RAB27B: variants seen among roughly 807,000 people sequenced by gnomAD.
RAB27B encodes the protein ras-related protein Rab-27B.
RAB27B carries 15 observed loss-of-function variants against 24.6 expected under a neutral mutation model. The observed-to-expected ratio is 0.61, with a 90% confidence interval of 0.41 to 0.94. RAB27B has a LOEUF of 0.94. Among genes scored for constraint, RAB27B ranks in the 40% least tolerant of loss-of-function variants. The pLI, the probability that RAB27B is intolerant of heterozygous loss-of-function variation, is 0.00. For missense variants in RAB27B, 261 were observed against 266.8 expected (o/e 0.98, Z 0.15); for synonymous variants, 105 against 92.5 (o/e 1.14, Z -0.78).
chr18:54,819,804 T>A (rs1454052058), intron 2 of RAB27B, among the ~76,000 whole-genome samples: 2 of 130,232 alleles, frequency 1.5e-5, no homozygotes, highest in Non-Finnish European at 3.1e-5. Context: ...CCGTGTGTGA[T>A]GTTCCCCTTC....
At chr18:54,731,410 A>G (rs1205754155) in intron 2 of RAB27B, among the ~76,000 whole-genome samples, 1 of 152,208 alleles carries the variant, frequency 6.6e-6, no homozygotes, top group Non-Finnish European at 1.5e-5. Flanking sequence ...TCTCAATCCA[A>G]TGGATGCATA....
At chr18:54,853,890 A>AT (rs1286536052) in intron 1 of RAB27B, among the ~76,000 whole-genome samples, 1 of 151,756 alleles carries the variant, frequency 6.6e-6, no homozygotes, top group South Asian at 2.1e-4. Flanking sequence ...TATCATTTGT[A>AT]TTTTTTTGTG....
intron 2 of RAB27B, among the ~76,000 whole-genome samples, chr18:54,815,787 G>A (rs1452343588): frequency 1.3e-5 from 2 of 152,158 alleles, no homozygotes; most frequent in African/African-American, 2.4e-5. Flanking sequence ...ACCATGCCTA[G>A]CTAATTTTGT....
In RAB27B at chr18:54,889,442, C is replaced by A. The variant is rs755490016; in HGVS notation, c.*29C>A. Reference sequence around the variant, plus strand: ...CTACATAGAAACTGAACATCAAGAACCCCACCAAAATATTACTTTTAAAAA... The same window carrying A: ...CTACATAGAAACTGAACATCAAGAAACCCACCAAAATATTACTTTTAAAAA... On this transcript the variant is annotated 3_prime_UTR_variant, in exon 6 of 6. Transcript: ENST00000262094. 7 of 1,565,204 alleles carry A rather than the reference C, an allele frequency of 4.5e-6. No individual in the cohort carries two copies. In the South Asian group the frequency reaches 7.2e-5, roughly 16 times the overall value.
rs1004828409 is a variant in RAB27B at position 54,889,318 on chromosome 18, T to A, written c.562T>A (p.Cys188Ser). The A allele has an allele frequency of 1.9e-6, 3 of 1,613,386 alleles. No individual in the cohort carries two copies. The highest frequency in any genetic ancestry group is 2.5e-6 in the Non-Finnish European group (3 of 1,179,510). Residue 188 changes from cysteine to serine, a missense_variant, in exon 6 of 6, where the codon TGT becomes AGT. Physicochemically the swap from Cys to Ser is moderately radical, Grantham distance 112. Coordinates refer to ENST00000262094, the MANE Select transcript of RAB27B (RefSeq NM_004163.4). ...CTTAATCATGAAGCGAATGGAACAG[T>A]GTGTGGAGAAGACACAAATCCCTGA... ...LDLIMKRMEQ[C>S]VEKTQIPDTV...
chr18:54,850,353 T>TGC (rs1568096292), intron 1 of RAB27B, among the ~76,000 whole-genome samples: 1 of 137,520 alleles, frequency 7.3e-6, no homozygotes, highest in African/African-American at 2.9e-5. Flanking sequence ...TATATATATA[T>TGC]ATATATACAT....
chr18:54,754,222 G>A (rs1254776279), intron 2 of RAB27B, among the ~76,000 whole-genome samples: 3 of 152,076 alleles, frequency 2.0e-5, no homozygotes, highest in Non-Finnish European at 4.4e-5. Context: ...TTTATAAGTG[G>A]TAGCTCCTCT....
At chr18:54,885,588 A>G (rs879657336) in intron 4 of RAB27B, among the ~76,000 whole-genome samples, 1 of 151,816 alleles carries the variant, frequency 6.6e-6, no homozygotes, top group Non-Finnish European at 1.5e-5. Flanking sequence ...AACTTTATTT[A>G]CCTCTTGACT....
At chr18:54,774,876 G>A (rs986980860) in intron 2 of RAB27B, among the ~76,000 whole-genome samples, 9 of 152,056 alleles carry the variant, frequency 5.9e-5, no homozygotes, top group African/African-American at 2.2e-4. Context: ...CTCCCCTCAC[G>A]GGATCAGAGG....
chr18:54,801,727 T>G (rs1909617987), intron 2 of RAB27B, among the ~76,000 whole-genome samples: 1 of 152,164 alleles, frequency 6.6e-6, no homozygotes, highest in Admixed American at 6.5e-5. Context: ...ACCAAAAATA[T>G]AACCAGCCAT....
chr18:54,796,783 T>G (rs1224451685), intron 2 of RAB27B, among the ~76,000 whole-genome samples: 1 of 152,178 alleles, frequency 6.6e-6, no homozygotes, highest in East Asian at 1.9e-4. Flanking sequence ...GAGTGCTTGT[T>G]CTCACTTAGG....
intron 2 of RAB27B, among the ~76,000 whole-genome samples, chr18:54,797,775 G>A (rs1391911839): frequency 6.6e-6 from 1 of 152,092 alleles, no homozygotes; most frequent in Non-Finnish European, 1.5e-5. Flanking sequence ...TGTAAACTGA[G>A]AATAGTTAAC....
chr18:54,757,160 TG>T (rs1371855961), intron 2 of RAB27B, among the ~76,000 whole-genome samples: 2 of 152,124 alleles, frequency 1.3e-5, no homozygotes, highest in African/African-American at 2.4e-5. Flanking sequence ...GATATTAGCA[TG>T]CCAAGCATAA....
intron 2 of RAB27B, among the ~76,000 whole-genome samples, chr18:54,735,138 A>G (rs73474592): frequency 0.18 from 27,224 of 152,130 alleles, 2,673 homozygotes; most frequent in African/African-American, 0.25. Context: ...AATTATTTGC[A>G]TATCTAACAG....
intron 2 of RAB27B, among the ~76,000 whole-genome samples, chr18:54,773,055 T>TC (rs1908601512): frequency 6.7e-6 from 1 of 149,814 alleles, no homozygotes; most frequent in Non-Finnish European, 1.5e-5. Flanking sequence ...CTATACTTCT[T>TC]TTTTTTTTTA....
chr18:54,741,453 A>T (rs1910067766), intron 2 of RAB27B, among the ~76,000 whole-genome samples: 1 of 152,116 alleles, frequency 6.6e-6, no homozygotes, highest in Non-Finnish European at 1.5e-5. Context: ...GAATCATTCC[A>T]ATCTTATGTA....
At chr18:54,785,165 A>T (rs1035676483) in intron 2 of RAB27B, among the ~76,000 whole-genome samples, 4 of 151,966 alleles carry the variant, frequency 2.6e-5, no homozygotes, top group Non-Finnish European at 5.9e-5. Context: ...GCAGTGGCAA[A>T]ATCTCGGCTC....
chr18:54,879,499 A>T, intron 3 of RAB27B, 45 bp downstream of exon 3: 1 of 1,471,260 alleles, frequency 6.8e-7, no homozygotes. Flanking sequence ...AGCTTAGAAA[A>T]ACTTACTTTA....
intron 2 of RAB27B, among the ~76,000 whole-genome samples, chr18:54,819,444 A>T (rs991387539): frequency 4.7e-5 from 7 of 148,442 alleles, no homozygotes; most frequent in African/African-American, 1.2e-4. Context: ...AGGTGGGAGG[A>T]TCACTTGAGC....
Sources: allele counts gnomAD v4.1 joint callset (sites outside exome capture counted in the v4.1 genomes callset), GRCh38; gene constraint gnomAD v4.1.1; transcripts MANE v1.5; gene names NCBI Gene and HGNC (gene_info 2026-07-23, HGNC 2026-07-21).